Variants in DDX23 observed in about 807,000 individuals in gnomAD.
DDX23 encodes probable ATP-dependent RNA helicase DDX23.
A neutral mutation model predicts 102.7 loss-of-function variants in DDX23; 33 were observed. The ratio of observed to expected loss-of-function variants is 0.32; its 90% confidence interval spans 0.24 to 0.43. The LOEUF is 0.43. DDX23 is among the 20% of genes least tolerant of loss of function. The probability of loss-of-function intolerance (pLI) is 1.00; values close to 1 mark genes in which losing one functional copy is unlikely to be tolerated. For synonymous variants in DDX23, 352 were observed against 376.0 expected (o/e 0.94, Z 0.74); for missense variants, 549 against 1,086.6 (o/e 0.51, Z 6.96).
At chr12:48,842,288 G>A (rs188792745) in intron 3 of DDX23, among the ~76,000 whole-genome samples, 47 of 71,070 alleles carry the variant, frequency 6.6e-4, no homozygotes, top group Non-Finnish European at 9.9e-4. Flanking sequence ...GTCAGCCCCC[G>A]GCCCGGCCAG....
Position 48,829,802 on chromosome 12 carries a change from ATCTTCT to A in DDX23, c.*661_*666del. ...ATTTATTCTCAGAACATACAAACTTATCTTCTCAGAGAATAGAAAACAGAGATTTCA... is the reference window on the plus strand; with the variant it reads ...ATTTATTCTCAGAACATACAAACTTACAGAGAATAGAAAACAGAGATTTCA... On this transcript the variant is annotated 3_prime_UTR_variant, in exon 17 of 17. Transcript: ENST00000308025. 4.7e-6 allele frequency: 1 copy of A among 214,092 alleles called. No individual in the cohort carries two copies. Among genetic ancestry groups the A allele is most frequent in the East Asian group, 1.1e-4 (1 of 8,910 alleles). The allele number at this position is 214,092 out of a possible 1,614,324, so 13.3% of individuals were successfully genotyped here.
rs1390062416 is a variant in DDX23, at chr12:48,836,858, G to A, written c.1010+36C>T. ...TCCAACTCCTTTCTGTAGAGCCTCT[G>A]GGCTCTGTCCAGCCACCCTAGCCTT... is the stretch of plus-strand genomic sequence containing the variant. On this transcript the variant is annotated intron_variant, in intron 9 of 16. Coordinates refer to ENST00000308025, the MANE Select transcript of DDX23 (RefSeq NM_004818.3). The surrounding 1 kb of genome is among the most constrained non-coding windows in gnomAD (Gnocchi z 6.1). The A allele has an allele frequency of 1.2e-6, 2 of 1,613,786 alleles. No homozygotes were observed. Among genetic ancestry groups the A allele is most frequent in the Non-Finnish European group, 1.7e-6 (2 of 1,179,852 alleles).
intron 11 of DDX23, among the ~76,000 whole-genome samples, chr12:48,835,368 T>A (rs1938454963): frequency 6.6e-6 from 1 of 151,876 alleles, no homozygotes; most frequent in Non-Finnish European, 1.5e-5. Flanking sequence ...AGATCGGGAG[T>A]TTGAGACCAG....
chr12:48,838,080 G>C lies in DDX23; in HGVS notation c.481C>G (p.Pro161Ala). ...KKAEEEAEAK[P>A]KFLSKAEREA... ...CGTTCTGCTTTAGAGAGGAACTTGG[G>C]CTACAAAAGAGATTGGAACTGTCAA... The change falls in exon 6 of 17, where the codon CCC (proline) becomes GCC (alanine). Residue 161 changes from proline (P) to alanine (A), a missense_variant and splice_region_variant. Around this residue, in one of 4 missense-constraint regions of DDX23, gnomAD observed 241 missense variants for 267.0 expected, o/e 0.90. Transcript: ENST00000308025. 1 of 1,614,120 alleles carries C rather than the reference G, an allele frequency of 6.2e-7. No individual in the cohort carries two copies.
Position 48,839,840 on chromosome 12 carries a change from T to A in DDX23, c.480+4A>T, listed in dbSNP as rs1938521567. 1 of 1,614,124 alleles carries A rather than the reference T, an allele frequency of 6.2e-7. No homozygotes were observed. Among genetic ancestry groups the A allele is most frequent in the African/African-American group, 1.3e-5 (1 of 75,054 alleles). ...CCGATGAATGAAGACCCTCAAGTAC[T>A]TACCTTAGCCTCAGCTTCTTCCTCA... On this transcript the variant is annotated splice_donor_region_variant and intron_variant, in intron 5 of 16. Coordinates refer to ENST00000308025, the MANE Select transcript of DDX23 (RefSeq NM_004818.3).
intron 3 of DDX23, 185 bp from the exon 4 acceptor site, chr12:48,840,291 T>C (rs1490023636): frequency 3.0e-6 from 2 of 665,248 alleles, no homozygotes; most frequent in Non-Finnish European, 5.5e-6. Context: ...AACCTAATTA[T>C]GGCCCTGTCT....
chr12:48,831,025 G>C, intron 16 of DDX23, 117 bp downstream of exon 16: 1 of 1,217,530 alleles, frequency 8.2e-7, no homozygotes, highest in Non-Finnish European at 1.2e-6. Context: ...AGCAATCCCA[G>C]ACTTGGAACT....
At chr12:48,845,515 A>C (rs1353713305) in intron 2 of DDX23, 59 bp downstream of exon 2, 1 of 1,590,730 alleles carries the variant, frequency 6.3e-7, no homozygotes, top group African/African-American at 1.3e-5. Context: ...AGAACCAAGA[A>C]GGAAGAAATC....
At position 48,837,650 on chromosome 12, in the gene DDX23, A is replaced by G; in HGVS notation, c.627T>C (p.Pro209=). The G allele has an allele frequency of 6.2e-7, 1 of 1,614,070 alleles. No individual in the cohort carries two copies. The highest frequency in any genetic ancestry group is 1.1e-5 in the South Asian group (1 of 91,074). The change falls in exon 7 of 17, where the codon CCT becomes CCC. Residue 209 remains proline, a synonymous_variant. Coordinates refer to ENST00000308025, the MANE Select transcript of DDX23 (RefSeq NM_004818.3). Reference sequence around the variant, plus strand: ...TGCGTTCCCGACGTTCCCGTTCCTGAGGATCTTCTGCAGACCAAAGAAAGC... The same window carrying G: ...TGCGTTCCCGACGTTCCCGTTCCTGGGGATCTTCTGCAGACCAAAGAAAGC... ...QDLGRKMLED[P]QERERRERRE...
At chr12:48,837,694 A>G in intron 6 of DDX23, 37 bp from the exon 7 acceptor site, 1 of 1,612,088 alleles carries the variant, frequency 6.2e-7, no homozygotes, top group Non-Finnish European at 8.5e-7. Context: ...AGAAGAGCTC[A>G]TGGAAGAAAA....
chr12:48,841,416 T>C (rs935959810), intron 3 of DDX23, among the ~76,000 whole-genome samples: 1 of 151,974 alleles, frequency 6.6e-6, no homozygotes, highest in Non-Finnish European at 1.5e-5. Flanking sequence ...CAGAGAAGAA[T>C]CCATAGATAG....
chr12:48,848,301 C>CAAAAAAAAAAAAAAA (rs1162953994), intron 1 of DDX23, among the ~76,000 whole-genome samples: 2 of 135,712 alleles, frequency 1.5e-5, no homozygotes, highest in Non-Finnish European at 3.4e-5. Flanking sequence ...CAAAACAAAA[C>CAAAAAAAAAAAAAAA]AAAAAACAAA....
chr12:48,832,317 C>T lies in DDX23; in HGVS notation c.1955+105G>A, dbSNP rs1206674041. 3.8e-6 allele frequency: 6 copies of T among 1,560,046 alleles called. No homozygotes were observed. Among genetic ancestry groups the T allele is most frequent in the Non-Finnish European group, 5.2e-6 (6 of 1,143,002 alleles). ...CATTCTGCCCAAGAAAACAGCAGCT[C>T]TTCAACACAGCAGAGCAATTGCCCT... On this transcript the variant is annotated intron_variant, in intron 14 of 16. Coordinates refer to ENST00000308025, the MANE Select transcript of DDX23 (RefSeq NM_004818.3). This position sits in a 1 kb window ranked among gnomAD's most constrained non-coding sequence, Gnocchi z 4.4.
In DDX23 at chr12:48,832,732, T is replaced by A. The variant is rs1324782618; in HGVS notation, c.1804-159A>T. On this transcript the variant is annotated intron_variant, in intron 13 of 16. Coordinates refer to ENST00000308025, the MANE Select transcript of DDX23 (RefSeq NM_004818.3). The surrounding 1 kb of genome is among the most constrained non-coding windows in gnomAD (Gnocchi z 4.4). ...GAAAATAGTGTCCTCTGAATTCCCA[T>A]CCTTCCTGAGTACCTGCTCATCAAG... 1.4e-5 allele frequency: 13 copies of A among 916,352 alleles called. No homozygotes were observed. The South Asian group carries it at 2.1e-4, about 15-fold the overall frequency. The allele number at this position is 916,352 out of a possible 1,614,324, so 56.8% of individuals were successfully genotyped here.
At chr12:48,842,829 G>A in intron 3 of DDX23, among the ~76,000 whole-genome samples, 1 of 152,276 alleles carries the variant, frequency 6.6e-6, no homozygotes, top group Non-Finnish European at 1.5e-5. Flanking sequence ...GGACCATGAT[G>A]ACAGTGGCGG....
Position 48,845,595 on chromosome 12 carries a change from G to A in DDX23, c.188C>T (p.Ser63Phe), listed in dbSNP as rs1938652628. 6.2e-7 allele frequency: 1 copy of A among 1,614,118 alleles called. No individual in the cohort carries two copies. ...RRGGSRSRSR[S>F]RSKSAERERR... ...TTACCTTTCTGCAGATTTGGAACGGGAACGAGAGCGAGAACGGCTGCCTCC... is the reference window on the plus strand; with the variant it reads ...TTACCTTTCTGCAGATTTGGAACGGAAACGAGAGCGAGAACGGCTGCCTCC... Residue 63 changes from serine (S) to phenylalanine (F), a missense_variant, in exon 2 of 17, where the codon TCC (serine) becomes TTC (phenylalanine). Ser to Phe is a radical substitution (Grantham distance 155). Coordinates refer to ENST00000308025, the MANE Select transcript of DDX23 (RefSeq NM_004818.3).
At position 48,843,900 on chromosome 12, in the gene DDX23, G is replaced by C. The variant is rs771831828; in HGVS notation, c.320+40C>G. 8.8e-6 allele frequency: 14 copies of C among 1,599,704 alleles called. No individual in the cohort carries two copies. The Admixed American group carries it at 2.3e-4, about 27-fold the overall frequency. ...CAAACTCAGGTGCAGAGAAGAAATG[G>C]GAGCATTCCCCTAAAGCCCCCTCTC... On this transcript the variant is annotated intron_variant, in intron 3 of 16. Transcript: ENST00000308025.
rs924874663 is a variant in DDX23, at chr12:48,830,808, C to A, written c.2240-116G>T. On this transcript the variant is annotated intron_variant, in intron 16 of 16. Coordinates refer to ENST00000308025, the MANE Select transcript of DDX23 (RefSeq NM_004818.3). The surrounding 1 kb of genome is among the most constrained non-coding windows in gnomAD (Gnocchi z 4.9). ...CCCATCTCCAAAGGCAGGAATACAGCACATGCTGCCTGAACCTGAGGCGCC... is the reference window on the plus strand; with the variant it reads ...CCCATCTCCAAAGGCAGGAATACAGAACATGCTGCCTGAACCTGAGGCGCC... The A allele has an allele frequency of 3.6e-6, 4 of 1,120,244 alleles. No individual in the cohort carries two copies. Among genetic ancestry groups the A allele is most frequent in the Non-Finnish European group, 5.0e-6 (4 of 794,308 alleles). The allele number at this position is 1,120,244 out of a possible 1,614,324, so 69.4% of individuals were successfully genotyped here. A position where few individuals can be genotyped will look rare whatever the true frequency, so the allele number is the denominator to read the frequency against.
rs1331638225 is a variant in DDX23, at chr12:48,837,519, T to C, written c.753+5A>G. On this transcript the variant is annotated splice_donor_5th_base_variant and intron_variant, in intron 7 of 16. Coordinates refer to ENST00000308025, the MANE Select transcript of DDX23 (RefSeq NM_004818.3). ...GAGAAGTGAAGATGGAGCCAAGGCC[T>C]GCACCTTAATGGCATGCAGTTCCTT... 1.2e-6 allele frequency: 2 copies of C among 1,614,190 alleles called. No individual in the cohort carries two copies. The highest frequency in any genetic ancestry group is 2.2e-5 in the East Asian group (1 of 44,890).
Sources: allele counts gnomAD v4.1 joint callset (sites outside exome capture counted in the v4.1 genomes callset), GRCh38; gene constraint gnomAD v4.1.1; regional missense constraint gnomAD v4.1.1; non-coding constraint Gnocchi (gnomAD v3.1); transcripts MANE v1.5; gene names NCBI Gene and HGNC (gene_info 2026-07-23, HGNC 2026-07-21).